Variants in PIAS2 observed in about 807,000 individuals in gnomAD.
PIAS2 encodes protein inhibitor of activated STAT 2, also known as E3 SUMO-protein ligase PIAS2.
In PIAS2, 19 loss-of-function variants were observed where a neutral mutation model predicts 69.7. That is an observed-to-expected ratio of 0.27 (90% CI 0.19 to 0.40). The LOEUF (loss-of-function observed/expected upper bound fraction) is 0.40, where lower values mean the gene tolerates loss of function less well. PIAS2 is among the 10% of genes least tolerant of loss of function. PIAS2 has a pLI of 1.00. For synonymous variants in PIAS2, 261 were observed against 263.2 expected, an observed-to-expected ratio of 0.99 and a Z score of 0.08; for missense variants, 624 against 757.0, an observed-to-expected ratio of 0.82 and a Z score of 2.06.
chr18:46,891,057 A>G lies in PIAS2; in HGVS notation c.25-3T>C, dbSNP rs768177979. 4 of 1,550,382 alleles carry G rather than the reference A, an allele frequency of 2.6e-6. No homozygotes were observed. Among genetic ancestry groups the G allele is most frequent in the Non-Finnish European group, 3.5e-6 (4 of 1,146,274 alleles). On this transcript the variant is annotated splice_polypyrimidine_tract_variant and splice_region_variant and intron_variant, in intron 1 of 13. Transcript: ENST00000585916. ...ACCCTAAAACTAGAAACCATATTCTAAAAGGAAAGAAAAAAAAACATAAGC... is the reference window on the plus strand; with the variant it reads ...ACCCTAAAACTAGAAACCATATTCTGAAAGGAAAGAAAAAAAAACATAAGC...
At position 46,810,619 on chromosome 18, in the gene PIAS2, AAG is replaced by A. The variant is rs2040937705; in HGVS notation, c.*1812_*1813del. On this transcript the variant is annotated 3_prime_UTR_variant, in exon 14 of 14. Coordinates refer to ENST00000585916, the MANE Select transcript of PIAS2 (RefSeq NM_004671.5). ...ATCTTTAAAATAAGCAGCCCCCACA[AAG>A]GGATAATCCATTGAATAAGGAGACA... 1 of 152,102 alleles carries A rather than the reference AAG, an allele frequency of 6.6e-6. No homozygotes were observed. Among genetic ancestry groups the A allele is most frequent in the African/African-American group, 2.4e-5 (1 of 41,410 alleles). The allele number at this position is 152,102 out of a possible 1,614,324, so 9.4% of individuals were successfully genotyped here.
chr18:46,806,000 C>A lies in PIAS2; in HGVS notation c.*6433G>T, dbSNP rs2040667961. The A allele has an allele frequency of 6.6e-6, 1 of 152,156 alleles. No homozygotes were observed. Among genetic ancestry groups the A allele is most frequent in the African/African-American group, 2.4e-5 (1 of 41,418 alleles). 9.4% of individuals were successfully genotyped at this position (152,156 alleles called of 1,614,324 possible). A position where few individuals can be genotyped will look rare whatever the true frequency, so the allele number is the denominator to read the frequency against. On this transcript the variant is annotated 3_prime_UTR_variant, in exon 14 of 14. Coordinates refer to ENST00000585916, the MANE Select transcript of PIAS2 (RefSeq NM_004671.5). The stretch of plus-strand genomic sequence containing the variant: ...AAAATGGATGAAAAATGCACTCAAC[C>A]CTTACTCCTATATTCAGTCACTGAA...
chr18:46,906,770 GTGT>G lies in PIAS2; in HGVS notation c.24+10549_24+10551del, dbSNP rs1482085661. Among the ~76,000 whole-genome samples, 791 of 119,182 alleles carry G rather than the reference GTGT, an allele frequency of 6.6e-3. 3 individuals are homozygous for G. The highest frequency in any genetic ancestry group is 0.011 in the Non-Finnish European group (590 of 55,654). The allele number at this position is 119,182 out of a possible 152,430, so 78.2% of individuals were successfully genotyped here. A position where few individuals can be genotyped will look rare whatever the true frequency, so the allele number is the denominator to read the frequency against. The stretch of plus-strand genomic sequence containing the variant: ...AAATACCAACAAGATGTATGTGTGT[GTGT>G]GGGGGGGGGGGGAGGTGTATAACAT... On this transcript the variant is annotated intron_variant, in intron 1 of 13. Transcript: ENST00000585916.
intron 1 of PIAS2, among the ~76,000 whole-genome samples, chr18:46,909,717 T>A (rs1338281490): frequency 6.6e-6 from 1 of 152,212 alleles, no homozygotes; most frequent in Non-Finnish European, 1.5e-5. Context: ...TACCAGCAAT[T>A]CTATTCCTAG....
At chr18:46,837,116 T>C (rs922271509) in intron 8 of PIAS2, among the ~76,000 whole-genome samples, 1 of 152,170 alleles carries the variant, frequency 6.6e-6, no homozygotes, top group African/African-American at 2.4e-5. Context: ...ATTTATAATA[T>C]TTATAATTCC....
intron 5 of PIAS2, 99 bp from the exon 6 acceptor site, chr18:46,846,940 CTATTTT>C: frequency 9.6e-7 from 1 of 1,046,000 alleles, no homozygotes; most frequent in Non-Finnish European, 1.3e-6. Context: ...TTCAGTTACA[CTATTTT>C]TATTTTAGCC....
Position 46,912,145 on chromosome 18 carries a change from C to T in PIAS2, c.24+5177G>A, listed in dbSNP as rs1016952434. Among the ~76,000 whole-genome samples, 60 of 152,012 alleles carry T rather than the reference C, an allele frequency of 3.9e-4. 1 individual carries two copies. Among genetic ancestry groups the T allele is most frequent in the Admixed American group, 3.8e-3 (58 of 15,244 alleles). ...TTTTAAATCCCAAAAGGAAAGGGAT[C>T]GGTGTTATATCTTTTTCTGAAAGAC... On this transcript the variant is annotated intron_variant, in intron 1 of 13. Coordinates refer to ENST00000585916, the MANE Select transcript of PIAS2 (RefSeq NM_004671.5).
chr18:46,876,979 C>T (rs865900574), intron 2 of PIAS2, among the ~76,000 whole-genome samples: 17 of 152,260 alleles, frequency 1.1e-4, no homozygotes, highest in Middle Eastern at 3.4e-3. Flanking sequence ...GGATTACAGG[C>T]GTGAGCCACA....
chr18:46,903,974 C>T (rs938874985), intron 1 of PIAS2: 3 of 152,136 alleles, frequency 2.0e-5, no homozygotes, highest in African/African-American at 7.2e-5. Context: ...AGGTTATCCA[C>T]TGTGTGATTC....
rs1405328238 is a variant in PIAS2, at chr18:46,806,624, G to C, written c.*5809C>G. ...GCCTGCCTTGGCTTCCCAAAGTGCT[G>C]GGATTACAGGCATGAGCCACCATGC... is the stretch of plus-strand genomic sequence containing the variant. On this transcript the variant is annotated 3_prime_UTR_variant, in exon 14 of 14. Coordinates refer to ENST00000585916, the MANE Select transcript of PIAS2 (RefSeq NM_004671.5). The C allele has an allele frequency of 6.6e-6, 1 of 151,976 alleles. No homozygotes were observed. Among genetic ancestry groups the C allele is most frequent in the Non-Finnish European group, 1.5e-5 (1 of 68,002 alleles). The allele number at this position is 151,976 out of a possible 1,614,324, so 9.4% of individuals were successfully genotyped here. A position where few individuals can be genotyped will look rare whatever the true frequency, so the allele number is the denominator to read the frequency against.
chr18:46,829,364 C>T (rs575085634), intron 10 of PIAS2, among the ~76,000 whole-genome samples: 1 of 152,296 alleles, frequency 6.6e-6, no homozygotes, highest in South Asian at 2.1e-4. Context: ...ACCAATGATG[C>T]AGCCTCTCTA....
chr18:46,815,541 AAAC>A, intron 12 of PIAS2, 192 bp from the exon 13 acceptor site: 2 of 985,326 alleles, frequency 2.0e-6, no homozygotes, highest in Non-Finnish European at 2.4e-6. Context: ...TTCTCTGATA[AAAC>A]AACTGGAAAA....
At position 46,836,329 on chromosome 18, in the gene PIAS2, T is replaced by C. The variant is rs1385060484; in HGVS notation, c.1202+28A>G. On this transcript the variant is annotated intron_variant, in intron 9 of 13. Transcript: ENST00000585916. Reference sequence around the variant, plus strand: ...TGCCAACAGCTGTTGTATTAGTCCATATCAGCTGTTAAAAGGGATATACTT... The same window carrying C: ...TGCCAACAGCTGTTGTATTAGTCCACATCAGCTGTTAAAAGGGATATACTT... 4 of 1,577,046 alleles carry C rather than the reference T, an allele frequency of 2.5e-6. No individual in the cohort carries two copies. In the African/African-American group the frequency reaches 5.4e-5, roughly 21 times the overall value.
intron 1 of PIAS2, among the ~76,000 whole-genome samples, chr18:46,906,822 T>C (rs918257867): frequency 2.7e-5 from 4 of 149,232 alleles, no homozygotes; most frequent in East Asian, 2.0e-4. Context: ...TAAAATTACA[T>C]GGAGAAGCAA....
At chr18:46,824,664 A>T (rs532683729) in intron 11 of PIAS2, among the ~76,000 whole-genome samples, 2 of 152,140 alleles carry the variant, frequency 1.3e-5, no homozygotes, top group African/African-American at 4.8e-5. Flanking sequence ...AAAATTGTTT[A>T]TAAGAATAAT....
chr18:46,807,383 A>ATATATATATATATATATATATT lies in PIAS2; in HGVS notation c.*5049_*5050insAATATATATATATATATATATA, dbSNP rs869149927. 8.6e-5 allele frequency: 1 copy of ATATATATATATATATATATATT among 11,600 alleles called. No homozygotes were observed. The highest frequency in any genetic ancestry group is 5.4e-4 in the African/African-American group (1 of 1,846). 0.7% of individuals were successfully genotyped at this position (11,600 alleles called of 1,614,324 possible). A position where few individuals can be genotyped will look rare whatever the true frequency, so the allele number is the denominator to read the frequency against. On this transcript the variant is annotated 3_prime_UTR_variant, in exon 14 of 14. Transcript: ENST00000585916. Reference sequence around the variant, plus strand: ...TATATATATATATATATATATATATATTTTTTTTTTTTTTTTTTTTTTTTT... The same window carrying ATATATATATATATATATATATT: ...TATATATATATATATATATATATATATATATATATATATATATATATTTTTTTTTTTTTTTTTTTTTTTTTTT...
chr18:46,906,459 T>G (rs2056606702), intron 1 of PIAS2: 1 of 152,026 alleles, frequency 6.6e-6, no homozygotes, highest in East Asian at 1.9e-4. Flanking sequence ...TTAATCACAA[T>G]TAGGAGTATA....
At chr18:46,871,486 A>C (rs1000390362) in intron 2 of PIAS2, among the ~76,000 whole-genome samples, 1 of 152,228 alleles carries the variant, frequency 6.6e-6, no homozygotes, top group Admixed American at 6.5e-5. Context: ...GTGGAGGAGC[A>C]GTCATTTTAA....
intron 12 of PIAS2, chr18:46,815,874 G>C (rs1036450878): frequency 1.0e-6 from 1 of 985,534 alleles, no homozygotes; most frequent in Non-Finnish European, 1.2e-6. Flanking sequence ...ACACACTCGG[G>C]AATTGCTGCG....
Sources: allele counts gnomAD v4.1 joint callset (sites outside exome capture counted in the v4.1 genomes callset), GRCh38; gene constraint gnomAD v4.1.1; transcripts MANE v1.5; gene names NCBI Gene and HGNC (gene_info 2026-07-23, HGNC 2026-07-21).